The following TOX2 variants were observed in gnomAD, a reference collection of about 807,000 sequenced individuals.
The protein encoded by TOX2 is granulosa cell HMG box 1.
In TOX2, 15 loss-of-function variants were observed where a neutral mutation model predicts 47.4. That is an observed-to-expected ratio of 0.32 (90% CI 0.21 to 0.49). The LOEUF is 0.49. TOX2 is among the 20% of genes least tolerant of loss of function. TOX2 has a pLI of 0.99. For missense variants in TOX2, 622 were observed against 673.1 expected (o/e 0.92, Z 0.84); for synonymous variants, 290 against 296.6 (o/e 0.98, Z 0.23).
intron 2 of TOX2, among the ~76,000 whole-genome samples, chr20:43,991,645 ATT>A (rs1268861671): frequency 6.8e-6 from 1 of 146,016 alleles, no homozygotes; most frequent in Non-Finnish European, 1.5e-5. Context: ...TATTATTATT[ATT>A]ATTATTATTA....
chr20:44,065,619 T>G (rs1461587217), intron 6 of TOX2, 93 bp from the exon 7 acceptor site: 1 of 1,427,568 alleles, frequency 7.0e-7, no homozygotes, highest in African/African-American at 1.4e-5. Context: ...CCAGCAGCCG[T>G]GTCAGTGGGT....
Position 44,066,808 on chromosome 20 carries a change from G to C in TOX2, c.1435G>C (p.Asp479His). ...PGPSNPTSSG[D>H]WDSSYPSGEC... ...CCCATCCAACCCCACCAGCAGCGGG[G>C]ACTGGGACAGCAGCTACCCCAGTGG... The change falls in exon 8 of 9, where the codon GAC becomes CAC. Residue 479 changes from aspartate to histidine, a missense_variant. Physicochemically the swap from Asp to His is moderately conservative, Grantham distance 81. Transcript: ENST00000341197. The C allele has an allele frequency of 6.2e-7, 1 of 1,614,182 alleles. No individual in the cohort carries two copies. Among genetic ancestry groups the C allele is most frequent in the Non-Finnish European group, 8.5e-7 (1 of 1,180,028 alleles).
intron 3 of TOX2, among the ~76,000 whole-genome samples, chr20:44,019,895 T>A (rs1338332600): frequency 6.6e-6 from 1 of 152,048 alleles, no homozygotes; most frequent in African/African-American, 2.4e-5. Flanking sequence ...GTGGAAAGGA[T>A]CAAGGGAGAG....
chr20:43,994,290 A>AC (rs1482268479), intron 2 of TOX2, among the ~76,000 whole-genome samples: 10 of 151,420 alleles, frequency 6.6e-5, no homozygotes, highest in South Asian at 4.2e-4. Flanking sequence ...CATGGCAAAA[A>AC]CCCATCTCTA....
At chr20:43,942,354 G>A (rs2069413041) in intron 1 of TOX2, among the ~76,000 whole-genome samples, 1 of 152,202 alleles carries the variant, frequency 6.6e-6, no homozygotes. Context: ...CCTGGCCATT[G>A]TCCCTGCCCC....
At position 44,068,704 on chromosome 20, in the gene TOX2, C is replaced by T. The variant is rs2071880627; in HGVS notation, c.*18C>T. The T allele has an allele frequency of 6.2e-7, 1 of 1,614,088 alleles. No homozygotes were observed. Among genetic ancestry groups the T allele is most frequent in the Non-Finnish European group, 8.5e-7 (1 of 1,180,000 alleles). On this transcript the variant is annotated 3_prime_UTR_variant, in exon 9 of 9. Transcript: ENST00000341197. ...TCACCTAATCCCGCCTCCCTACCAT[C>T]CCTGAGGCTCGCTGGAAGGCACTGC...
chr20:43,995,652 G>T (rs1319287667), intron 2 of TOX2, among the ~76,000 whole-genome samples: 1 of 152,048 alleles, frequency 6.6e-6, no homozygotes, highest in African/African-American at 2.4e-5. Context: ...TATTTTTTCT[G>T]CTCCTCTCCC....
At chr20:43,985,814 C>T (rs928870811) in intron 2 of TOX2, among the ~76,000 whole-genome samples, 10 of 152,020 alleles carry the variant, frequency 6.6e-5, no homozygotes, top group South Asian at 4.1e-4. Context: ...CCGGTGGCGC[C>T]GAGCTCATAG....
chr20:44,008,938 T>C (rs535486072), intron 3 of TOX2, among the ~76,000 whole-genome samples: 1 of 152,360 alleles, frequency 6.6e-6, no homozygotes, highest in South Asian at 2.1e-4. Context: ...CTGACATCTC[T>C]GGCAGAGAGG....
chr20:43,931,565 G>A (rs2069253336), intron 1 of TOX2, among the ~76,000 whole-genome samples: 2 of 152,212 alleles, frequency 1.3e-5, no homozygotes, highest in Admixed American at 1.3e-4. Flanking sequence ...GGGCTGGGCT[G>A]CCCAATGTCC....
chr20:44,021,388 G>A (rs1443354464), intron 3 of TOX2, among the ~76,000 whole-genome samples: 1 of 152,158 alleles, frequency 6.6e-6, no homozygotes, highest in Non-Finnish European at 1.5e-5. Flanking sequence ...GGGGCCGTAA[G>A]CCGAGATTCT....
chr20:43,958,352 C>T (rs1318594874), intron 1 of TOX2, among the ~76,000 whole-genome samples: 1 of 152,224 alleles, frequency 6.6e-6, no homozygotes, highest in Non-Finnish European at 1.5e-5. Flanking sequence ...TTCTCTCTCA[C>T]ATTCTGTACT....
chr20:44,063,701 T>C (rs1158990596), intron 5 of TOX2, among the ~76,000 whole-genome samples: 1 of 151,938 alleles, frequency 6.6e-6, no homozygotes, highest in Non-Finnish European at 1.5e-5. Context: ...CCAGCCCAAA[T>C]GCCCATCAAT....
At chr20:44,049,454 A>G (rs2071470868) in intron 3 of TOX2, among the ~76,000 whole-genome samples, 1 of 152,214 alleles carries the variant, frequency 6.6e-6, no homozygotes, top group Non-Finnish European at 1.5e-5. Context: ...GAAAAAGAAA[A>G]TTAGCCACTT....
chr20:43,938,228 T>C (rs973128055), intron 1 of TOX2, among the ~76,000 whole-genome samples: 9 of 152,168 alleles, frequency 5.9e-5, no homozygotes, highest in Admixed American at 5.9e-4. Flanking sequence ...TCATGTGGAC[T>C]GGCAGCCTGT....
At chr20:43,961,191 C>T (rs73118269) in intron 1 of TOX2, among the ~76,000 whole-genome samples, 7,451 of 152,250 alleles carry the variant, frequency 0.049, 231 homozygotes, top group African/African-American at 0.079. Context: ...GAGGACAGCA[C>T]AGGAGTTGAA....
At chr20:44,000,122 G>A (rs185201498) in intron 2 of TOX2, among the ~76,000 whole-genome samples, 9 of 152,298 alleles carry the variant, frequency 5.9e-5, no homozygotes, top group African/African-American at 1.9e-4. Context: ...AAAGGACGTG[G>A]GACTGGGGAG....
At chr20:44,031,696 C>T (rs1175027496) in intron 3 of TOX2, among the ~76,000 whole-genome samples, 1 of 151,994 alleles carries the variant, frequency 6.6e-6, no homozygotes, top group African/African-American at 2.4e-5. Flanking sequence ...AAGAGACTTA[C>T]CATAGGCCAG....
intron 2 of TOX2, among the ~76,000 whole-genome samples, chr20:43,976,617 T>C (rs2070080937): frequency 6.6e-6 from 1 of 152,236 alleles, no homozygotes; most frequent in African/African-American, 2.4e-5. Context: ...TGGGATATGA[T>C]TCATGATGAT....
Sources: allele counts gnomAD v4.1 joint callset (sites outside exome capture counted in the v4.1 genomes callset), GRCh38; gene constraint gnomAD v4.1.1; transcripts MANE v1.5; gene names NCBI Gene and HGNC (gene_info 2026-07-23, HGNC 2026-07-21).